TNRC6C: variants seen among roughly 807,000 people sequenced by gnomAD.
TNRC6C encodes trinucleotide repeat-containing gene 6C protein.
In TNRC6C, 20 loss-of-function variants were observed where a neutral mutation model predicts 153.7. That is an observed-to-expected ratio of 0.13 (90% CI 0.09 to 0.19). TNRC6C has a LOEUF of 0.19. TNRC6C is among the 10% of genes least tolerant of loss of function. The pLI is 1.00. For missense variants in TNRC6C, 1,987 were observed against 2,172.0 expected (o/e 0.91, Z 1.69); for synonymous variants, 811 against 841.4 (o/e 0.96, Z 0.63).
chr17:78,030,269 C>G (rs2072040873), intron 1 of TNRC6C, among the ~76,000 whole-genome samples: 1 of 152,108 alleles, frequency 6.6e-6, no homozygotes, highest in African/African-American at 2.4e-5. Flanking sequence ...CCTGCCTCAG[C>G]CTCCTGAATA....
intron 1 of TNRC6C, among the ~76,000 whole-genome samples, chr17:77,970,836 C>T (rs1449236406): frequency 1.3e-5 from 2 of 152,042 alleles, no homozygotes; most frequent in African/African-American, 2.4e-5. Flanking sequence ...CAGCAAGACC[C>T]TTGTCTTTTA....
intron 3 of TNRC6C, among the ~76,000 whole-genome samples, chr17:78,057,735 G>A (rs2072687257): frequency 6.6e-6 from 1 of 152,164 alleles, no homozygotes; most frequent in Admixed American, 6.5e-5. Context: ...TTTCACTTAT[G>A]TCAGAGTTTG....
intron 1 of TNRC6C, among the ~76,000 whole-genome samples, chr17:78,014,728 A>G (rs1319141908): frequency 6.6e-6 from 1 of 151,534 alleles, no homozygotes; most frequent in Non-Finnish European, 1.5e-5. Context: ...CTCATTAGCA[A>G]CAGACACTAA....
At chr17:78,031,599 A>C (rs1301449823) in exon 2 of TNRC6C, 1 of 1,232,304 alleles carries the variant, frequency 8.1e-7, no homozygotes, top group Admixed American at 4.2e-5. Context: ...TATCTCAAGC[A>C]GCAACAATGG....
chr17:78,097,092 G>C (rs1200525401), intron 16 of TNRC6C, among the ~76,000 whole-genome samples: 1 of 152,202 alleles, frequency 6.6e-6, no homozygotes, highest in East Asian at 1.9e-4. Flanking sequence ...GCATGCACCT[G>C]TGGTCCCTGT....
At chr17:78,086,079 C>A (rs2073276561) in intron 11 of TNRC6C, among the ~76,000 whole-genome samples, 1 of 151,942 alleles carries the variant, frequency 6.6e-6, no homozygotes, top group Non-Finnish European at 1.5e-5. Flanking sequence ...TGCCTGTAAT[C>A]CCAGCACTTT....
chr17:77,964,985 A>G (rs954254820), intron 1 of TNRC6C, among the ~76,000 whole-genome samples: 3 of 152,204 alleles, frequency 2.0e-5, no homozygotes, highest in Non-Finnish European at 4.4e-5. Context: ...GGGAATTGTG[A>G]AGTGGGAGTG....
At position 78,075,706 on chromosome 17, in the gene TNRC6C, C is replaced by T. The variant is rs551418389; in HGVS notation, c.3060+428C>T. Among the ~76,000 whole-genome samples the T allele has an allele frequency of 6.6e-6, 1 of 152,312 alleles. No homozygotes were observed. Among genetic ancestry groups the T allele is most frequent in the East Asian group, 1.9e-4 (1 of 5,190 alleles). ...TCTCTGGCTGGCCCTTGTCAGTTGGCCACATGAGTGACCACAGCTGGCATC... is the reference window on the plus strand; with the variant it reads ...TCTCTGGCTGGCCCTTGTCAGTTGGTCACATGAGTGACCACAGCTGGCATC... On this transcript the variant is annotated intron_variant, in intron 8 of 19. Coordinates refer to ENST00000301624, the Ensembl canonical transcript of TNRC6C. The surrounding 1 kb of genome is among the most constrained non-coding windows in gnomAD (Gnocchi z 4.2).
chr17:77,968,207 TATTTTTA>T (rs774931159), intron 1 of TNRC6C, among the ~76,000 whole-genome samples: 4 of 151,860 alleles, frequency 2.6e-5, no homozygotes, highest in Non-Finnish European at 4.4e-5. Flanking sequence ...TAATTTTTTG[TATTTTTA>T]GCAGAGATGG....
At chr17:78,073,992 T>A (rs952573568) in intron 7 of TNRC6C, among the ~76,000 whole-genome samples, 2 of 152,192 alleles carry the variant, frequency 1.3e-5, no homozygotes, top group African/African-American at 2.4e-5. Context: ...TACAGGTCAG[T>A]GAATTTTTTA....
chr17:78,071,510 C>T (rs1385606146), intron 6 of TNRC6C, among the ~76,000 whole-genome samples: 2 of 152,096 alleles, frequency 1.3e-5, no homozygotes, highest in South Asian at 2.1e-4. Flanking sequence ...CTCGGCCTCC[C>T]GAGTAGAGCT....
At chr17:77,982,741 G>T (rs2071098469) in intron 1 of TNRC6C, among the ~76,000 whole-genome samples, 1 of 152,196 alleles carries the variant, frequency 6.6e-6, no homozygotes. Context: ...TAAGGCAGGA[G>T]AATTGTTTAA....
At chr17:77,972,837 A>G (rs1057451132) in intron 1 of TNRC6C, among the ~76,000 whole-genome samples, 12 of 152,344 alleles carry the variant, frequency 7.9e-5, no homozygotes, top group African/African-American at 2.6e-4. Context: ...AGGTACATTT[A>G]CCAGCTGATC....
upstream of TNRC6C, among the ~76,000 whole-genome samples, chr17:78,001,895 A>T (rs1379535922): frequency 6.6e-6 from 1 of 152,210 alleles, no homozygotes; most frequent in Non-Finnish European, 1.5e-5. Flanking sequence ...TGATAAGATT[A>T]TATTTACAAA....
chr17:78,057,648 G>A (rs2072685389), intron 3 of TNRC6C, among the ~76,000 whole-genome samples: 1 of 152,194 alleles, frequency 6.6e-6, no homozygotes, highest in East Asian at 1.9e-4. Context: ...ACTACTTCAT[G>A]AAGTTTCTGC....
chr17:78,050,698 G>A (rs372252157), exon 3 of TNRC6C: 51 of 1,574,308 alleles, frequency 3.2e-5, no homozygotes, highest in Admixed American at 7.0e-5. Context: ...CTCTACTGCT[G>A]TTAGTACTGC....
intron 1 of TNRC6C, among the ~76,000 whole-genome samples, chr17:77,985,206 G>A: frequency 6.6e-6 from 1 of 152,124 alleles, no homozygotes; most frequent in East Asian, 1.9e-4. Context: ...TTGGTTATAG[G>A]ACTGAGGTCC....
rs1267883801 is a variant in TNRC6C, at chr17:77,992,492, C to T, written c.-37-11678C>T. Among the ~76,000 whole-genome samples the T allele has an allele frequency of 1.6e-4, 7 of 43,464 alleles. 3 individuals are homozygous for T. Among genetic ancestry groups the T allele is most frequent in the African/African-American group, 1.5e-3 (7 of 4,694 alleles). 28.5% of individuals were successfully genotyped at this position (43,464 alleles called of 152,430 possible). ...CAGCCTGGGCGACAGAGCGAGACTCCGTCTCAAAAAAAAAAAAAAAAAAAA... is the reference window on the plus strand; with the variant it reads ...CAGCCTGGGCGACAGAGCGAGACTCTGTCTCAAAAAAAAAAAAAAAAAAAA... On this transcript the variant is annotated intron_variant, in intron 1 of 22. Coordinates refer to the TNRC6C transcript ENST00000636222.
chr17:78,065,942 T>C (rs1040205436), intron 4 of TNRC6C, among the ~76,000 whole-genome samples: 3 of 152,148 alleles, frequency 2.0e-5, no homozygotes, highest in African/African-American at 7.2e-5. Flanking sequence ...ATATTAAAAT[T>C]AATTGTGGCT....
Sources: allele counts gnomAD v4.1 joint callset (sites outside exome capture counted in the v4.1 genomes callset), GRCh38; gene constraint gnomAD v4.1.1; non-coding constraint Gnocchi (gnomAD v3.1); transcripts MANE v1.5; gene names NCBI Gene and HGNC (gene_info 2026-07-23, HGNC 2026-07-21).